IQSEC1: variants seen among roughly 807,000 people sequenced by gnomAD.
IQSEC1 encodes IQ motif and Sec7 domain ArfGEF 1.
In IQSEC1, 31 loss-of-function variants were observed where a neutral mutation model predicts 91.0. The ratio of observed to expected loss-of-function variants is 0.34; its 90% CI spans 0.26 to 0.46. IQSEC1 has a LOEUF of 0.46. Among genes scored for constraint, IQSEC1 ranks in the 20% least tolerant of loss-of-function variants. IQSEC1 has a pLI of 1.00. For synonymous variants in IQSEC1, 699 were observed against 662.6 expected (o/e 1.05, Z -0.84); for missense variants, 1,388 against 1,575.6 (o/e 0.88, Z 2.02).
chr3:12,982,555 A>G (rs1454142561), intron 1 of IQSEC1, among the ~76,000 whole-genome samples: 2 of 152,234 alleles, frequency 1.3e-5, no homozygotes, highest in African/African-American at 2.4e-5. Context: ...AAAGAAAAAA[A>G]TGTTCTTAGC....
Position 12,899,076 on chromosome 3 carries a change from TTGC to T in IQSEC1, c.*1904_*1906del. On this transcript the variant is annotated 3_prime_UTR_variant, in exon 14 of 14. Transcript: ENST00000613206. ...ATTTTTAAAAAGGCTAAACTCTAGA[TTGC>T]TGTATTTGCTCTCTCTGGAGATTAA... 2.4e-6 allele frequency: 1 copy of T among 416,492 alleles called. No individual in the cohort carries two copies. The highest frequency in any genetic ancestry group is 4.4e-6 in the Non-Finnish European group (1 of 227,650). The allele number at this position is 416,492 out of a possible 1,614,324, so 25.8% of individuals were successfully genotyped here.
chr3:12,995,688 T>G (rs1420098207), intron 1 of IQSEC1, among the ~76,000 whole-genome samples: 1 of 152,192 alleles, frequency 6.6e-6, no homozygotes, highest in Non-Finnish European at 1.5e-5. Context: ...CCCAAGGCAC[T>G]GGTGACAGAG....
At chr3:13,184,158 T>C (rs772845341) in intron 1 of IQSEC1, among the ~76,000 whole-genome samples, 13 of 152,220 alleles carry the variant, frequency 8.5e-5, no homozygotes, top group Admixed American at 4.6e-4. Context: ...TCCCAACTAA[T>C]GTTATGATGT....
At chr3:13,018,906 T>C (rs1703267416) in intron 1 of IQSEC1, among the ~76,000 whole-genome samples, 1 of 152,210 alleles carries the variant, frequency 6.6e-6, no homozygotes, top group African/African-American at 2.4e-5. Flanking sequence ...GTCAGCCTGA[T>C]TTCTGAGCCT....
At chr3:13,229,136 G>T (rs1559281698) in intron 1 of IQSEC1, among the ~76,000 whole-genome samples, 1 of 152,186 alleles carries the variant, frequency 6.6e-6, no homozygotes, top group Non-Finnish European at 1.5e-5. Context: ...GCACAGAACA[G>T]AGTAACATCA....
chr3:13,002,588 A>T (rs911964038), intron 1 of IQSEC1, among the ~76,000 whole-genome samples: 1 of 151,454 alleles, frequency 6.6e-6, no homozygotes, highest in Non-Finnish European at 1.5e-5. Context: ...TGAGAAAATT[A>T]TATAACTGAT....
rs1289067986 is a variant in IQSEC1, at chr3:13,211,846, G to A, written c.273-47713C>T. ...ATGCCGCACCCTCCATGCAGCCCTC[G>A]CCCACCCTCGCAGGCACAGTCCCTC... On this transcript the variant is annotated intron_variant, in intron 1 of 15. Coordinates refer to the IQSEC1 transcript ENST00000648114. The surrounding 1 kb of genome is among the most constrained non-coding windows in gnomAD (Gnocchi z 5.3). 6.6e-6 allele frequency among the ~76,000 whole-genome samples: 1 copy of A among 152,088 alleles called. No homozygotes were observed. The highest frequency in any genetic ancestry group is 1.9e-4 in the East Asian group (1 of 5,174).
In IQSEC1 at chr3:13,177,220, G is replaced by C. The variant is rs554637525; in HGVS notation, c.273-13087C>G. ...AGTTTGTGAATTACATCTCAACAAA[G>C]CTCTTAAAACAACAAAATGGACCAG... On this transcript the variant is annotated intron_variant, in intron 1 of 15. Transcript: ENST00000648114. Among the ~76,000 whole-genome samples, 5 of 152,324 alleles carry C rather than the reference G, an allele frequency of 3.3e-5. No individual in the cohort carries two copies. In the East Asian group the frequency reaches 5.8e-4, roughly 18 times the overall value.
At chr3:13,127,211 G>A (rs569815606) in intron 2 of IQSEC1, among the ~76,000 whole-genome samples, 25 of 152,128 alleles carry the variant, frequency 1.6e-4, no homozygotes, top group African/African-American at 5.8e-4. Flanking sequence ...TCTGGAGTTC[G>A]AGACCAGCCT....
chr3:13,068,741 G>A (rs1031540526), intron 1 of IQSEC1, among the ~76,000 whole-genome samples: 1 of 152,122 alleles, frequency 6.6e-6, no homozygotes, highest in African/African-American at 2.4e-5. Context: ...TGCACCCGGG[G>A]CCCCCACTCT....
At chr3:13,276,692 G>T (rs546395602) in intron 1 of IQSEC1, among the ~76,000 whole-genome samples, 1 of 152,336 alleles carries the variant, frequency 6.6e-6, no homozygotes, top group South Asian at 2.1e-4. Flanking sequence ...GCTGGAGAAA[G>T]GCATTGGCAA....
chr3:13,118,136 T>C (rs1220768392), intron 2 of IQSEC1, among the ~76,000 whole-genome samples: 2 of 152,148 alleles, frequency 1.3e-5, no homozygotes, highest in African/African-American at 4.8e-5. Flanking sequence ...AAATGACCGA[T>C]GAGATGATGG....
At chr3:13,250,973 C>G (rs1365603781) in intron 1 of IQSEC1, among the ~76,000 whole-genome samples, 4 of 152,332 alleles carry the variant, frequency 2.6e-5, no homozygotes, top group African/African-American at 4.8e-5. Context: ...AAGAGGCTCC[C>G]TGCCGGGGGT....
intron 1 of IQSEC1, among the ~76,000 whole-genome samples, chr3:13,235,760 C>A (rs1275083995): frequency 3.3e-5 from 5 of 152,332 alleles, no homozygotes; most frequent in Middle Eastern, 3.4e-3. Context: ...GTCATTGCCA[C>A]TGCAGGCTTA....
chr3:13,253,037 T>C (rs1269171305), intron 1 of IQSEC1, among the ~76,000 whole-genome samples: 1 of 152,220 alleles, frequency 6.6e-6, no homozygotes, highest in East Asian at 1.9e-4. Context: ...CGGTCCCTTA[T>C]TATCTACGTT....
chr3:13,061,618 G>A (rs539648689), intron 1 of IQSEC1, among the ~76,000 whole-genome samples: 1 of 152,224 alleles, frequency 6.6e-6, no homozygotes, highest in African/African-American at 2.4e-5. Flanking sequence ...GATGCCAGGG[G>A]CCAGCCGTCC....
chr3:12,972,141 C>A (rs531053142), intron 1 of IQSEC1, among the ~76,000 whole-genome samples: 1 of 150,500 alleles, frequency 6.6e-6, no homozygotes. Flanking sequence ...AAAATCCCAT[C>A]TCTACAAAAA....
intron 1 of IQSEC1, among the ~76,000 whole-genome samples, chr3:13,197,994 G>A (rs979314783): frequency 6.6e-6 from 1 of 152,234 alleles, no homozygotes; most frequent in East Asian, 1.9e-4. Flanking sequence ...AGGCCTCTCT[G>A]TGGAGAGGAC....
At chr3:13,204,317 A>G (rs542512828) in intron 1 of IQSEC1, among the ~76,000 whole-genome samples, 22 of 152,370 alleles carry the variant, frequency 1.4e-4, no homozygotes, top group African/African-American at 5.0e-4. Context: ...GTGCCCACTG[A>G]CTCCCCCGAT....
Sources: gnomAD v4.1 joint callset for allele counts (sites outside exome capture counted in the v4.1 genomes callset) on GRCh38, gnomAD v4.1.1 for gene constraint, Gnocchi (gnomAD v3.1) non-coding constraint, MANE v1.5 for transcripts, NCBI Gene and HGNC (gene_info 2026-07-23, HGNC 2026-07-21) for gene names.